KCNC2: variants seen among roughly 807,000 people sequenced by gnomAD.
KCNC2 encodes voltage-gated potassium channel KCNC2.
A neutral mutation model predicts 44.5 loss-of-function variants in KCNC2; 21 were observed. The ratio of observed to expected loss-of-function variants is 0.47; its 90% CI spans 0.33 to 0.68. The LOEUF (loss-of-function observed/expected upper bound fraction) is 0.68. KCNC2 is among the 30% of genes least tolerant of loss of function. The pLI, the probability that KCNC2 is intolerant of heterozygous loss-of-function variation, is 0.01. For synonymous variants in KCNC2, 391 were observed against 339.1 expected (o/e 1.15, Z -1.68); for missense variants, 589 against 826.2 (o/e 0.71, Z 3.52).
chr12:75,200,927 T>C (rs1173500483), intron 2 of KCNC2, among the ~76,000 whole-genome samples: 2 of 151,712 alleles, frequency 1.3e-5, no homozygotes, highest in South Asian at 2.1e-4. Context: ...GTCCCTTTTA[T>C]ATAAAATATG....
intron 2 of KCNC2, among the ~76,000 whole-genome samples, chr12:75,155,998 T>C (rs929489829): frequency 1.3e-5 from 2 of 151,706 alleles, no homozygotes; most frequent in African/African-American, 2.4e-5. Context: ...TTAGAGGAAG[T>C]GGAGTTGGGC....
In KCNC2 at chr12:75,115,805, A is replaced by C. The variant is rs1349553074; in HGVS notation, c.688-64488T>G. ...TTAAACAAAATTATTTAAGAAACAA[A>C]ATTATTAAGAATGAGAGCTCTGGAC... On this transcript the variant is annotated intron_variant, in intron 2 of 4. Coordinates refer to ENST00000549446, the MANE Select transcript of KCNC2 (RefSeq NM_139137.4). Among the ~76,000 whole-genome samples the C allele has an allele frequency of 2.0e-5, 3 of 152,096 alleles. No individual in the cohort carries two copies. The East Asian group carries it at 5.8e-4, about 29-fold the overall frequency.
chr12:75,110,462 T>C (rs1301038877), intron 2 of KCNC2, among the ~76,000 whole-genome samples: 1 of 152,156 alleles, frequency 6.6e-6, no homozygotes, highest in Non-Finnish European at 1.5e-5. Flanking sequence ...AAAAGAAGTA[T>C]ATCTCTGGAT....
chr12:75,192,234 C>G (rs1199692810), intron 2 of KCNC2, among the ~76,000 whole-genome samples: 1 of 152,118 alleles, frequency 6.6e-6, no homozygotes, highest in Admixed American at 6.5e-5. Context: ...TCCTTGCTGC[C>G]GCAACATCCA....
At chr12:75,073,875 A>C (rs1252562765) in intron 2 of KCNC2, among the ~76,000 whole-genome samples, 1 of 152,176 alleles carries the variant, frequency 6.6e-6, no homozygotes, top group Admixed American at 6.5e-5. Context: ...ATATATATTT[A>C]ACCTAATTAA....
intron 2 of KCNC2, among the ~76,000 whole-genome samples, chr12:75,187,289 G>A (rs191213516): frequency 7.2e-5 from 11 of 152,266 alleles, no homozygotes; most frequent in Admixed American, 2.0e-4. Flanking sequence ...ATTGTGTACC[G>A]AAGAACACAT....
At chr12:75,204,739 G>T (rs918244337) in intron 2 of KCNC2, among the ~76,000 whole-genome samples, 1 of 152,034 alleles carries the variant, frequency 6.6e-6, no homozygotes, top group African/African-American at 2.4e-5. Flanking sequence ...AGATAACGTT[G>T]TCAGGTTATC....
intron 2 of KCNC2, among the ~76,000 whole-genome samples, chr12:75,135,788 T>C (rs1179573803): frequency 2.6e-5 from 4 of 152,056 alleles, no homozygotes; most frequent in African/African-American, 9.7e-5. Context: ...TAGATATTTA[T>C]AATAATACAG....
At chr12:75,150,714 C>T (rs1174451756) in intron 2 of KCNC2, among the ~76,000 whole-genome samples, 1 of 151,790 alleles carries the variant, frequency 6.6e-6, no homozygotes, top group African/African-American at 2.4e-5. Context: ...TGATTCTAAT[C>T]AAGATTTTAT....
At chr12:75,076,542 G>A (rs943168963) in intron 2 of KCNC2, among the ~76,000 whole-genome samples, 4 of 152,254 alleles carry the variant, frequency 2.6e-5, no homozygotes, top group African/African-American at 9.6e-5. Flanking sequence ...AAAGTGCTGG[G>A]ATTACAGGCG....
chr12:75,052,891 T>C (rs1351302506), intron 2 of KCNC2, among the ~76,000 whole-genome samples: 1 of 152,148 alleles, frequency 6.6e-6, no homozygotes, highest in Non-Finnish European at 1.5e-5. Flanking sequence ...CTAAGGCAGG[T>C]CATTTTCATG....
chr12:75,203,944 G>A (rs1051880122), intron 2 of KCNC2, among the ~76,000 whole-genome samples: 6 of 151,712 alleles, frequency 4.0e-5, no homozygotes, highest in African/African-American at 9.7e-5. Flanking sequence ...TTCTTCAAAG[G>A]AAAGCACATA....
chr12:75,081,436 C>T (rs1009246704), intron 2 of KCNC2, among the ~76,000 whole-genome samples: 3 of 146,862 alleles, frequency 2.0e-5, no homozygotes, highest in African/African-American at 5.1e-5. Context: ...GCCTTTGATG[C>T]CCTTGTGGCT....
rs1884890750 is a variant in KCNC2, at chr12:75,085,150, G to A, written c.688-33833C>T. Among the ~76,000 whole-genome samples the A allele has an allele frequency of 3.9e-5, 6 of 152,128 alleles. No individual in the cohort carries two copies. The South Asian group carries it at 1.2e-3, about 31-fold the overall frequency. On this transcript the variant is annotated intron_variant, in intron 2 of 4. Transcript: ENST00000549446. The stretch of plus-strand genomic sequence containing the variant: ...TTAGGCTTTATGCAGTAGCCCTTGA[G>A]CTGCTTGTTACCAAGAGGTTTAGCT...
intron 2 of KCNC2, among the ~76,000 whole-genome samples, chr12:75,199,898 T>C (rs1450128972): frequency 6.6e-6 from 1 of 151,854 alleles, no homozygotes; most frequent in East Asian, 1.9e-4. Context: ...CTGGCTCAGC[T>C]TGGGAGGTAA....
chr12:75,177,541 C>T lies in KCNC2; in HGVS notation c.687+29756G>A, dbSNP rs1056818708. Among the ~76,000 whole-genome samples the T allele has an allele frequency of 2.6e-5, 4 of 151,846 alleles. No individual in the cohort carries two copies. In the South Asian group the frequency reaches 8.3e-4, roughly 32 times the overall value. ...ATAAAGGAGCTGTTAGACTGATTAACCTATCGGCTCAGCTAGGTCAGCAAG... is the reference window on the plus strand; with the variant it reads ...ATAAAGGAGCTGTTAGACTGATTAATCTATCGGCTCAGCTAGGTCAGCAAG... On this transcript the variant is annotated intron_variant, in intron 2 of 4. Transcript: ENST00000549446.
chr12:75,207,777 C>T lies in KCNC2; in HGVS notation c.207G>A (p.Pro69=). Residue 69 remains proline, a synonymous_variant, in exon 2 of 5, where the codon CCG becomes CCA. Coordinates refer to ENST00000549446, the MANE Select transcript of KCNC2 (RefSeq NM_139137.4). The surrounding 1 kb of genome is among the most constrained non-coding windows in gnomAD (Gnocchi z 4.1). ...AGCAGCCGCCTGGCCCGGGGGACAGCGGGGGCGCTCTCGGCGGCGGCGACA... is the reference window on the plus strand; with the variant it reads ...AGCAGCCGCCTGGCCCGGGGGACAGTGGGGGCGCTCTCGGCGGCGGCGACA... The part of the protein sequence containing the change: ...PPLSPPPRAP[P]LSPGPGGCFE... 6.3e-7 allele frequency: 1 copy of T among 1,583,136 alleles called. No homozygotes were observed. Among genetic ancestry groups the T allele is most frequent in the Non-Finnish European group, 8.6e-7 (1 of 1,165,780 alleles).
At chr12:75,050,350 A>C in intron 3 of KCNC2, 40 bp downstream of exon 3, 1 of 1,392,698 alleles carries the variant, frequency 7.2e-7, no homozygotes, top group Non-Finnish European at 1.0e-6. Context: ...ATACTGGTCT[A>C]TAAAGTATTT....
chr12:75,106,909 A>T (rs189012460), intron 2 of KCNC2, among the ~76,000 whole-genome samples: 114 of 152,362 alleles, frequency 7.5e-4, no homozygotes, highest in African/African-American at 2.7e-3. Flanking sequence ...TCAAGCATTG[A>T]TATATACTAA....
Sources: allele counts gnomAD v4.1 joint callset (sites outside exome capture counted in the v4.1 genomes callset), GRCh38; gene constraint gnomAD v4.1.1; non-coding constraint Gnocchi (gnomAD v3.1); transcripts MANE v1.5; gene names NCBI Gene and HGNC (gene_info 2026-07-23, HGNC 2026-07-21).